ZNF423: variants seen among roughly 807,000 people sequenced by gnomAD.
The protein encoded by ZNF423 is zinc finger protein 423, also known as Ebf-associated zinc finger protein.
Under a neutral mutation model 95.8 loss-of-function variants are expected in ZNF423, and 12 were observed. That is an observed-to-expected ratio of 0.13 (90% CI 0.08 to 0.20). The LOEUF is 0.20. Ranked by LOEUF, ZNF423 falls within the 10% of genes least tolerant of loss-of-function variation. The pLI is 1.00. For synonymous variants in ZNF423, 749 were observed against 711.9 expected, an observed-to-expected ratio of 1.05 and a Z score of -0.83; for missense variants, 1,316 against 1,737.1, an observed-to-expected ratio of 0.76 and a Z score of 4.31.
At chr16:49,498,486 T>C (rs1967253173) in intron 7 of ZNF423, among the ~76,000 whole-genome samples, 1 of 152,214 alleles carries the variant, frequency 6.6e-6, no homozygotes, top group South Asian at 2.1e-4. Context: ...ATGAGGCTCC[T>C]TGATGCCAGA....
intron 5 of ZNF423, among the ~76,000 whole-genome samples, chr16:49,545,711 A>G (rs1174594106): frequency 6.6e-6 from 1 of 152,202 alleles, no homozygotes; most frequent in African/African-American, 2.4e-5. Context: ...GCTGAGCCAC[A>G]GTTCTGTCTC....
chr16:49,814,113 A>G (rs2034798331), intron 1 of ZNF423, among the ~76,000 whole-genome samples: 1 of 152,180 alleles, frequency 6.6e-6, no homozygotes, highest in Non-Finnish European at 1.5e-5. Context: ...CCAGGGTCCA[A>G]GAGCCAGGCC....
intron 3 of ZNF423, among the ~76,000 whole-genome samples, chr16:49,683,691 C>T (rs1272490819): frequency 2.0e-5 from 3 of 152,254 alleles, no homozygotes; most frequent in Non-Finnish European, 4.4e-5. Flanking sequence ...ATGCTCAACA[C>T]TTGACCCACA....
chr16:49,677,311 A>AAG (rs2031134054), intron 3 of ZNF423, among the ~76,000 whole-genome samples: 4 of 9,734 alleles, frequency 4.1e-4, no homozygotes, highest in Non-Finnish European at 5.3e-4. Flanking sequence ...GAGAAGAGAA[A>AAG]GGAGGGGAAG....
intron 5 of ZNF423, among the ~76,000 whole-genome samples, chr16:49,574,418 T>C (rs559987163): frequency 6.6e-6 from 1 of 152,326 alleles, no homozygotes; most frequent in Non-Finnish European, 1.5e-5. Context: ...CACCCAGAGT[T>C]TCTGATTCAG....
chr16:49,707,035 T>C (rs889029972), intron 3 of ZNF423, among the ~76,000 whole-genome samples: 1 of 152,212 alleles, frequency 6.6e-6, no homozygotes, highest in African/African-American at 2.4e-5. Flanking sequence ...CCTCTTCCAA[T>C]GGCTTCCCAC....
At chr16:49,700,000 G>A (rs1423035473) in intron 3 of ZNF423, among the ~76,000 whole-genome samples, 1 of 152,100 alleles carries the variant, frequency 6.6e-6, no homozygotes, top group Non-Finnish European at 1.5e-5. Flanking sequence ...TCAGAAGACA[G>A]GGGCGAGGGG....
intron 1 of ZNF423, among the ~76,000 whole-genome samples, chr16:49,817,859 C>G (rs74389654): frequency 6.6e-6 from 1 of 152,008 alleles, no homozygotes; most frequent in Admixed American, 6.6e-5. Context: ...GAAGAGAATA[C>G]GAGGCCCAGA....
intron 1 of ZNF423, among the ~76,000 whole-genome samples, chr16:49,811,111 C>A (rs573831731): frequency 1.3e-5 from 2 of 152,234 alleles, no homozygotes; most frequent in South Asian, 4.2e-4. Flanking sequence ...GCTGTGTGGC[C>A]TCAAGGGGTC....
At chr16:49,857,484 TG>T (rs1044279850), upstream of ZNF423, among the ~76,000 whole-genome samples, 1 of 152,056 alleles carries the variant, frequency 6.6e-6, no homozygotes, top group African/African-American at 2.4e-5. This position sits in a 1 kb window ranked among gnomAD's most constrained non-coding sequence, Gnocchi z 6.2. Context: ...AGTGAAAGAA[TG>T]GGGGAGCAAA....
chr16:49,583,661 T>C (rs1970739916), intron 5 of ZNF423, among the ~76,000 whole-genome samples: 1 of 152,132 alleles, frequency 6.6e-6, no homozygotes, highest in South Asian at 2.1e-4. Context: ...TCAATGACCA[T>C]TACCCAGGGA....
chr16:49,502,858 C>T (rs184365785), intron 7 of ZNF423, among the ~76,000 whole-genome samples: 3 of 130,112 alleles, frequency 2.3e-5, no homozygotes, highest in Admixed American at 1.6e-4. Context: ...CACACGGATA[C>T]CCCCCAATCC....
intron 1 of ZNF423, among the ~76,000 whole-genome samples, chr16:49,795,061 G>A (rs1170521527): frequency 1.3e-5 from 2 of 151,864 alleles, no homozygotes; most frequent in African/African-American, 2.4e-5. Flanking sequence ...TAGTAGAAAC[G>A]GGGCTTCACC....
At chr16:49,705,884 A>G (rs1004706320) in intron 3 of ZNF423, among the ~76,000 whole-genome samples, 1 of 152,228 alleles carries the variant, frequency 6.6e-6, no homozygotes, top group Non-Finnish European at 1.5e-5. Flanking sequence ...AAAACAAGAA[A>G]AATGTATTTT....
intron 5 of ZNF423, among the ~76,000 whole-genome samples, chr16:49,527,445 G>A (rs73578476): frequency 0.047 from 7,168 of 152,188 alleles, 235 homozygotes; most frequent in African/African-American, 0.091. Flanking sequence ...CTCCAGTGTG[G>A]GGGGCTGCCT....
chr16:49,649,195 A>G (rs1256847292), intron 3 of ZNF423, among the ~76,000 whole-genome samples: 1 of 152,218 alleles, frequency 6.6e-6, no homozygotes, highest in Non-Finnish European at 1.5e-5. Flanking sequence ...CAGAACCTCA[A>G]GCCCAGAGGG....
At chr16:49,742,624 G>A (rs1292414907) in intron 2 of ZNF423, among the ~76,000 whole-genome samples, 1 of 152,102 alleles carries the variant, frequency 6.6e-6, no homozygotes, top group Non-Finnish European at 1.5e-5. Context: ...GGGGAGATGG[G>A]GGAGCAGGGC....
At chr16:49,819,805 A>G (rs538596192) in intron 1 of ZNF423, among the ~76,000 whole-genome samples, 1 of 152,306 alleles carries the variant, frequency 6.6e-6, no homozygotes, top group East Asian at 1.9e-4. Flanking sequence ...TCAACCTCAC[A>G]ATGGTATGAA....
At chr16:49,689,320 T>C (rs964154631) in intron 3 of ZNF423, among the ~76,000 whole-genome samples, 5 of 148,994 alleles carry the variant, frequency 3.4e-5, no homozygotes, top group Non-Finnish European at 7.4e-5. Flanking sequence ...TAGCCAGGCG[T>C]GGTGGTGCGT....
Sources: gnomAD v4.1 joint callset for allele counts (sites outside exome capture counted in the v4.1 genomes callset) on GRCh38, gnomAD v4.1.1 for gene constraint, Gnocchi (gnomAD v3.1) non-coding constraint, MANE v1.5 for transcripts, NCBI Gene and HGNC (gene_info 2026-07-23, HGNC 2026-07-21) for gene names.